ZBTB25: variants seen among roughly 807,000 people sequenced by gnomAD.
ZBTB25 encodes the protein zinc finger and BTB domain-containing protein 25.
ZBTB25 carries 20 observed loss-of-function variants against 34.2 expected under a neutral mutation model. The ratio of observed to expected loss-of-function variants is 0.58; its 90% CI spans 0.41 to 0.85. The LOEUF is 0.85. Ranked by LOEUF, ZBTB25 falls within the 40% of genes least tolerant of loss-of-function variation. The probability of loss-of-function intolerance (pLI) is 0.00; values close to 1 mark genes in which losing one functional copy is unlikely to be tolerated. For missense variants in ZBTB25, 437 were observed against 521.8 expected, an observed-to-expected ratio of 0.84 and a Z score of 1.58; for synonymous variants, 175 against 186.4, an observed-to-expected ratio of 0.94 and a Z score of 0.50.
chr14:64,501,917 C>T (rs1357988177), intron 1 of ZBTB25, among the ~76,000 whole-genome samples: 2 of 152,220 alleles, frequency 1.3e-5, no homozygotes, highest in African/African-American at 4.8e-5. Context: ...ATAAATCAGC[C>T]ACAGGCGATT....
chr14:64,499,674 A>G (rs2079417867), intron 1 of ZBTB25: 1 of 152,228 alleles, frequency 6.6e-6, no homozygotes, highest in African/African-American at 2.4e-5. Flanking sequence ...TTCTTTTCAA[A>G]TAGTATTTAG....
At chr14:64,500,876 C>G (rs1447092713) in intron 1 of ZBTB25, among the ~76,000 whole-genome samples, 1 of 152,100 alleles carries the variant, frequency 6.6e-6, no homozygotes, top group Admixed American at 6.5e-5. Flanking sequence ...CATGGCGAAA[C>G]CCTGTCTCTA....
chr14:64,490,931 T>G (rs1345959368), intron 1 of ZBTB25, among the ~76,000 whole-genome samples: 1 of 152,246 alleles, frequency 6.6e-6, no homozygotes, highest in Non-Finnish European at 1.5e-5. Context: ...ATAACTTATG[T>G]GAAAATCATG....
upstream of ZBTB25, chr14:64,504,828 G>A (rs1029323889): frequency 3.1e-5 from 12 of 392,980 alleles, no homozygotes; most frequent in Non-Finnish European, 4.9e-5. Context: ...CCCGAGCGCC[G>A]AGCGCCGCGC....
At chr14:64,461,674 C>A (rs987404513) in intron 2 of ZBTB25, 2 of 149,280 alleles carry the variant, frequency 1.3e-5, no homozygotes, top group African/African-American at 5.0e-5. Context: ...CAGCTCACTG[C>A]AACCTCTGCC....
rs899927226 is a variant in ZBTB25, at chr14:64,479,469, T to A, written c.*7454A>T. On this transcript the variant is annotated 3_prime_UTR_variant, in exon 3 of 3. Coordinates refer to ENST00000608382, the MANE Select transcript of ZBTB25 (RefSeq NM_006977.5). Reference sequence around the variant, plus strand: ...TTTATGTGTCCAAATGACTGGGCCATGGGCTGCCCCAATAGTTAGTCAAAC... The same window carrying A: ...TTTATGTGTCCAAATGACTGGGCCAAGGGCTGCCCCAATAGTTAGTCAAAC... 6.6e-6 allele frequency: 1 copy of A among 152,268 alleles called. No homozygotes were observed. The highest frequency in any genetic ancestry group is 2.4e-5 in the African/African-American group (1 of 41,458). The allele number at this position is 152,268 out of a possible 1,614,324, so 9.4% of individuals were successfully genotyped here.
At position 64,485,406 on chromosome 14, in the gene ZBTB25, G is replaced by A. The variant is rs564381262; in HGVS notation, c.*1517C>T. ...GTTTTATTATCCTTGACTATGCGGG[G>A]TTTGAAATTTAAACATTTCAGAAAC... On this transcript the variant is annotated 3_prime_UTR_variant, in exon 3 of 3. Coordinates refer to ENST00000608382, the MANE Select transcript of ZBTB25 (RefSeq NM_006977.5). The A allele has an allele frequency of 1.0e-6, 1 of 985,416 alleles. No homozygotes were observed. Among genetic ancestry groups the A allele is most frequent in the Admixed American group, 6.1e-5 (1 of 16,274 alleles). The allele number at this position is 985,416 out of a possible 1,614,324, so 61.0% of individuals were successfully genotyped here. A position where few individuals can be genotyped will look rare whatever the true frequency, so the allele number is the denominator to read the frequency against.
At chr14:64,449,257 A>G in exon 3 of ZBTB25, 1 of 661,526 alleles carries the variant, frequency 1.5e-6, no homozygotes, top group East Asian at 2.7e-5. Context: ...GAGGCACATA[A>G]AGATTAGGTA....
Position 64,490,402 on chromosome 14 carries a change from A to G in ZBTB25, c.132T>C (p.Ala44=). The G allele has an allele frequency of 6.2e-7, 1 of 1,607,714 alleles. No individual in the cohort carries two copies. Among genetic ancestry groups the G allele is most frequent in the Non-Finnish European group, 8.5e-7 (1 of 1,176,082 alleles). ...YFKAHRAVLA[A]FSNYFKMIFI... The stretch of plus-strand genomic sequence containing the variant: ...ATATCATCTTGAAATAGTTAGAAAA[A>G]GCAGCAAGCACTGCTCTGTGGGCTT... The change falls in exon 2 of 3, where the codon GCT becomes GCC. Residue 44 remains alanine, a synonymous_variant. Coordinates refer to ENST00000608382, the MANE Select transcript of ZBTB25 (RefSeq NM_006977.5).
chr14:64,457,894 T>C (rs1307580655), intron 2 of ZBTB25: 1 of 413,394 alleles, frequency 2.4e-6, no homozygotes, highest in Non-Finnish European at 4.4e-6. Flanking sequence ...AAAGTGAAAG[T>C]AAAGATGACT....
At position 64,486,821 on chromosome 14, in the gene ZBTB25, A is replaced by T. The variant is rs1470225513; in HGVS notation, c.*102T>A. The T allele has an allele frequency of 2.1e-6, 3 of 1,453,666 alleles. No individual in the cohort carries two copies. The allele number at this position is 1,453,666 out of a possible 1,614,324, so 90.0% of individuals were successfully genotyped here. ...AAAACCATGGATAAGCTGTGAAGAA[A>T]AAAAGTCAATGAAACTTGAGGAGGA... On this transcript the variant is annotated 3_prime_UTR_variant, in exon 3 of 3. Transcript: ENST00000608382.
At chr14:64,460,799 G>C (rs1348790121) in intron 2 of ZBTB25, 4 of 152,218 alleles carry the variant, frequency 2.6e-5, no homozygotes, top group African/African-American at 9.7e-5. Flanking sequence ...GCCGAGGTGG[G>C]CGGATCACTT....
chr14:64,488,162 G>C (rs550201233), intron 2 of ZBTB25, 105 bp from the exon 3 acceptor site: 1 of 1,463,904 alleles, frequency 6.8e-7, no homozygotes, highest in Non-Finnish European at 9.0e-7. Flanking sequence ...TAAGAAGTTC[G>C]AACCTAGCAA....
At chr14:64,461,230 T>C (rs2078550802) in intron 2 of ZBTB25, 1 of 151,972 alleles carries the variant, frequency 6.6e-6, no homozygotes, top group African/African-American at 2.4e-5. Context: ...GGTTTTATTA[T>C]TTTTAATTCC....
rs755890893 is a variant in ZBTB25 at position 64,468,530 on chromosome 14, G to T, written c.174-18892C>A. On this transcript the variant is annotated intron_variant, in intron 2 of 2. Coordinates refer to the ZBTB25 transcript ENST00000555220. The stretch of plus-strand genomic sequence containing the variant: ...CAAGAGAAGAAAGAAAGCAGCCAAA[G>T]CACTGAAGCCCAAAGCTGGCTCTGA... 5 of 1,613,950 alleles carry T rather than the reference G, an allele frequency of 3.1e-6. No individual in the cohort carries two copies. The East Asian group carries it at 1.1e-4, about 36-fold the overall frequency.
chr14:64,470,986 C>T (rs61985663), intron 2 of ZBTB25: 40,917 of 166,760 alleles, frequency 0.25, 5,776 homozygotes, highest in East Asian at 0.41. Context: ...AATATTTATT[C>T]TCGGCCAAAA....
chr14:64,485,311 A>G lies in ZBTB25; in HGVS notation c.*1612T>C, dbSNP rs1357531239. 5.1e-6 allele frequency: 5 copies of G among 985,344 alleles called. No homozygotes were observed. The highest frequency in any genetic ancestry group is 6.0e-6 in the Non-Finnish European group (5 of 829,946). 61.0% of individuals were successfully genotyped at this position (985,344 alleles called of 1,614,324 possible). A position where few individuals can be genotyped will look rare whatever the true frequency, so the allele number is the denominator to read the frequency against. On this transcript the variant is annotated 3_prime_UTR_variant, in exon 3 of 3. Coordinates refer to ENST00000608382, the MANE Select transcript of ZBTB25 (RefSeq NM_006977.5). ...GGTTAAATTCTAAGGCTCACAAACC[A>G]AATTTTTTAGATGTATTCAAATGCC... is the stretch of plus-strand genomic sequence containing the variant.
In ZBTB25 at chr14:64,485,737, A is replaced by C; in HGVS notation, c.*1186T>G. 4 of 985,432 alleles carry C rather than the reference A, an allele frequency of 4.1e-6. No homozygotes were observed. The highest frequency in any genetic ancestry group is 2.4e-6 in the Non-Finnish European group (2 of 829,924). 61.0% of individuals were successfully genotyped at this position (985,432 alleles called of 1,614,324 possible). A position where few individuals can be genotyped will look rare whatever the true frequency, so the allele number is the denominator to read the frequency against. On this transcript the variant is annotated 3_prime_UTR_variant, in exon 3 of 3. Coordinates refer to ENST00000608382, the MANE Select transcript of ZBTB25 (RefSeq NM_006977.5). ...TTAGAAAATTAAAATCAACCCAGGA[A>C]GCCCCAAAAATCCTGACGCTGAGGG... is the stretch of plus-strand genomic sequence containing the variant.
intron 2 of ZBTB25, chr14:64,465,452 GTC>G (rs2078601664): frequency 6.6e-6 from 1 of 151,838 alleles, no homozygotes; most frequent in African/African-American, 2.4e-5. Flanking sequence ...GCTGCCTGCT[GTC>G]TGTCCCCGCG....
Sources: allele counts gnomAD v4.1 joint callset (sites outside exome capture counted in the v4.1 genomes callset), GRCh38; gene constraint gnomAD v4.1.1; transcripts MANE v1.5; gene names NCBI Gene and HGNC (gene_info 2026-07-23, HGNC 2026-07-21).